Variants in CRB1 observed in about 807,000 individuals in gnomAD.
CRB1 encodes crumbs cell polarity complex component 1.
A neutral mutation model predicts 120.0 loss-of-function variants in CRB1; 83 were observed. The observed-to-expected ratio is 0.69, with a 90% CI of 0.58 to 0.83. The LOEUF is 0.83. Among genes scored for constraint, CRB1 ranks in the 40% least tolerant of loss-of-function variants. The pLI is 0.00. For missense variants in CRB1, 1,699 were observed against 1,687.6 expected (o/e 1.01, Z -0.12); for synonymous variants, 625 against 612.5 (o/e 1.02, Z -0.30).
At chr1:197,252,572 A>ATGTG in the CRB1 span, among the ~76,000 whole-genome samples, 9 of 48,600 alleles carry the variant, frequency 1.9e-4, no homozygotes, top group African/African-American at 5.0e-4. Context: ...ATATATATAT[A>ATGTG]TATATATATA....
intron 5 of CRB1, among the ~76,000 whole-genome samples, chr1:197,378,574 G>A (rs1049749564): frequency 6.6e-6 from 1 of 152,148 alleles, no homozygotes; most frequent in African/African-American, 2.4e-5. Flanking sequence ...CTAAGATGCA[G>A]CTATATAAAT....
At chr1:197,343,425 ATAAACT>A (rs1244627601) in intron 2 of CRB1, among the ~76,000 whole-genome samples, 4 of 152,178 alleles carry the variant, frequency 2.6e-5, no homozygotes, top group East Asian at 1.9e-4. Flanking sequence ...TGTATAAATC[ATAAACT>A]TATTTTGCTT....
At chr1:197,277,863 G>T (rs2125212751) in intron 1 of CRB1, among the ~76,000 whole-genome samples, 1 of 151,942 alleles carries the variant, frequency 6.6e-6, no homozygotes, top group Non-Finnish European at 1.5e-5. Flanking sequence ...TACATTTTAT[G>T]ATTTCATGAT....
At chr1:197,306,771 G>T (rs929808081) in intron 1 of CRB1, among the ~76,000 whole-genome samples, 1 of 152,142 alleles carries the variant, frequency 6.6e-6, no homozygotes, top group Non-Finnish European at 1.5e-5. Flanking sequence ...GTAGAGAGGG[G>T]TCTCTGTCTG....
At chr1:197,256,932 CGTGTGTGTGTGTGTGT>C in the CRB1 span, among the ~76,000 whole-genome samples, 18 of 141,400 alleles carry the variant, frequency 1.3e-4, no homozygotes, top group African/African-American at 3.4e-4. Context: ...ATAGGATTTG[CGTGTGTGTGTGTGTGT>C]GTGTGTGTGT....
intron 2 of CRB1, among the ~76,000 whole-genome samples, chr1:197,339,213 G>C: frequency 6.6e-6 from 1 of 152,152 alleles, no homozygotes; most frequent in East Asian, 1.9e-4. Flanking sequence ...ACATTGTTAT[G>C]CTTATGTTAT....
At position 197,328,514 on chromosome 1, in the gene CRB1, T is replaced by C. The variant is rs777954761; in HGVS notation, c.163T>C (p.Ser55Pro). 2 of 1,614,244 alleles carry C rather than the reference T, an allele frequency of 1.2e-6. No homozygotes were observed. Among genetic ancestry groups the C allele is most frequent in the Non-Finnish European group, 1.7e-6 (2 of 1,180,026 alleles). Residue 55 changes from serine to proline, a missense_variant, in exon 2 of 12, where the codon TCT becomes CCT. Physicochemically the swap from Ser to Pro is moderately conservative, Grantham distance 74. Coordinates refer to ENST00000367400, the MANE Select transcript of CRB1 (RefSeq NM_201253.3). ...CKDFSKDNDC[S>P]CSDTANNLDK... Reference sequence around the variant, plus strand: ...AGATTTTTCAAAAGACAATGATTGTTCTTGTTCAGACACAGCCAATAATTT... The same window carrying C: ...AGATTTTTCAAAAGACAATGATTGTCCTTGTTCAGACACAGCCAATAATTT...
intron 5 of CRB1, among the ~76,000 whole-genome samples, chr1:197,394,012 T>A (rs1009172206): frequency 6.6e-6 from 1 of 152,128 alleles, no homozygotes; most frequent in African/African-American, 2.4e-5. Flanking sequence ...TTATAGCGGT[T>A]TGGGTGGCAC....
chr1:197,343,613 AT>A (rs766212651), intron 2 of CRB1, among the ~76,000 whole-genome samples: 2 of 152,212 alleles, frequency 1.3e-5, no homozygotes, highest in South Asian at 2.1e-4. Context: ...AAAAATGTCT[AT>A]GCAAAATGAG....
intron 1 of CRB1, among the ~76,000 whole-genome samples, chr1:197,298,175 G>C (rs948258292): frequency 3.3e-5 from 5 of 152,088 alleles, no homozygotes; most frequent in Non-Finnish European, 7.4e-5. Context: ...TACTTACAGA[G>C]AAAAGAGAAA....
At chr1:197,221,106 G>A in the CRB1 span, among the ~76,000 whole-genome samples, 1 of 152,162 alleles carries the variant, frequency 6.6e-6, no homozygotes, top group Admixed American at 6.5e-5. Context: ...GGTGCATAAG[G>A]TGTGTAAAGT....
At chr1:197,257,147 G>A in the CRB1 span, among the ~76,000 whole-genome samples, 2 of 151,982 alleles carry the variant, frequency 1.3e-5, no homozygotes, top group Non-Finnish European at 2.9e-5. Flanking sequence ...GGGTGCCGCC[G>A]GAGTAAGTCC....
intron 6 of CRB1, among the ~76,000 whole-genome samples, chr1:197,425,910 T>C (rs1441394278): frequency 6.6e-6 from 1 of 152,006 alleles, no homozygotes; most frequent in African/African-American, 2.4e-5. Context: ...CATGTTGAAA[T>C]GTGATTCCCA....
upstream of CRB1, among the ~76,000 whole-genome samples, chr1:197,264,593 A>C (rs1034454491): frequency 3.3e-5 from 5 of 151,776 alleles, no homozygotes; most frequent in African/African-American, 1.2e-4. Context: ...ATACACAGTG[A>C]ATAAGAACAG....
At chr1:197,422,376 T>G (rs1405798214) in intron 6 of CRB1, among the ~76,000 whole-genome samples, 1 of 152,126 alleles carries the variant, frequency 6.6e-6, no homozygotes, top group Non-Finnish European at 1.5e-5. Context: ...ATCTTGTGCA[T>G]AGTAAATTCT....
At chr1:197,289,275 A>G (rs546914627) in intron 1 of CRB1, among the ~76,000 whole-genome samples, 15 of 151,970 alleles carry the variant, frequency 9.9e-5, no homozygotes, top group African/African-American at 3.4e-4. Context: ...AAATATAATT[A>G]TCTTCTCTAA....
At position 197,313,482 on chromosome 1, in the gene CRB1, C is replaced by A. The variant is rs1345258421; in HGVS notation, c.71-14940C>A. On this transcript the variant is annotated intron_variant, in intron 1 of 11. Transcript: ENST00000367400. Reference sequence around the variant, plus strand: ...TTACAATTCTTTCTCTTCTAGCTATCTAAAAATATGCAGTAAATTATGGTT... The same window carrying A: ...TTACAATTCTTTCTCTTCTAGCTATATAAAAATATGCAGTAAATTATGGTT... Among the ~76,000 whole-genome samples, 7 of 152,308 alleles carry A rather than the reference C, an allele frequency of 4.6e-5. No homozygotes were observed. In the East Asian group the frequency reaches 1.3e-3, roughly 29 times the overall value.
At chr1:197,453,397 ATACT>A (rs1449417023) in intron 11 of CRB1, among the ~76,000 whole-genome samples, 2 of 147,630 alleles carry the variant, frequency 1.4e-5, no homozygotes, top group African/African-American at 2.5e-5. Flanking sequence ...ATTATATAAC[ATACT>A]TATATACTAA....
At chr1:197,404,334 C>T (rs893609961) in intron 5 of CRB1, among the ~76,000 whole-genome samples, 1 of 148,688 alleles carries the variant, frequency 6.7e-6, no homozygotes. Flanking sequence ...CCCAGCTACT[C>T]GGGAGGCTGA....
Sources: allele counts gnomAD v4.1 joint callset (sites outside exome capture counted in the v4.1 genomes callset), GRCh38; gene constraint gnomAD v4.1.1; transcripts MANE v1.5; gene names NCBI Gene and HGNC (gene_info 2026-07-23, HGNC 2026-07-21).